The following DGKH variants were observed in gnomAD, a reference collection of about 807,000 sequenced individuals.
The protein encoded by DGKH is diacylglycerol kinase eta, also known as DAG kinase eta.
DGKH carries 90 observed loss-of-function variants against 159.3 expected under a neutral mutation model. The observed-to-expected ratio is 0.57, with a 90% CI of 0.48 to 0.67. DGKH has a LOEUF of 0.67. Ranked by LOEUF, DGKH falls within the 30% of genes least tolerant of loss-of-function variation. The pLI, the probability that DGKH is intolerant of heterozygous loss-of-function variation, is 0.00. For missense variants in DGKH, 1,181 were observed against 1,506.1 expected (o/e 0.78, Z 3.57); for synonymous variants, 536 against 553.8 (o/e 0.97, Z 0.45).
intron 1 of DGKH, among the ~76,000 whole-genome samples, chr13:42,060,397 A>T (rs184408484): frequency 6.6e-6 from 1 of 152,254 alleles, no homozygotes; most frequent in African/African-American, 2.4e-5. Context: ...TACTTCTGAG[A>T]TCTGGGCCTC....
In DGKH at chr13:42,058,788, C is replaced by T. The variant is rs1179010266; in HGVS notation, c.192+9823C>T. Reference sequence around the variant, plus strand: ...TTGGCCTCTCAAGCTGTGGGACTCTCCATGCCTTATGTTTTCCCTCACCTG... The same window carrying T: ...TTGGCCTCTCAAGCTGTGGGACTCTTCATGCCTTATGTTTTCCCTCACCTG... On this transcript the variant is annotated intron_variant, in intron 1 of 29. Transcript: ENST00000337343. 2.0e-5 allele frequency among the ~76,000 whole-genome samples: 3 copies of T among 152,188 alleles called. 1 individual carries two copies. Among genetic ancestry groups the T allele is most frequent in the Non-Finnish European group, 2.9e-5 (2 of 68,038 alleles).
chr13:42,127,639 T>C, intron 2 of DGKH, 66 bp downstream of exon 2: 1 of 1,337,920 alleles, frequency 7.5e-7, no homozygotes, highest in Non-Finnish European at 1.1e-6. Flanking sequence ...TTTGGTTCTG[T>C]AAGCTGTTTT....
Position 42,237,099 on chromosome 13 carries a change from CTG to C in DGKH, c.*7913_*7914del, listed in dbSNP as rs1181438606. The C allele has an allele frequency of 6.6e-6, 1 of 152,128 alleles. No individual in the cohort carries two copies. Among genetic ancestry groups the C allele is most frequent in the Non-Finnish European group, 1.5e-5 (1 of 68,022 alleles). 9.4% of individuals were successfully genotyped at this position (152,128 alleles called of 1,614,324 possible). ...CTATTTAAAATTACTCTCAATTTAACTGTTTAAAAAACTAAAAATTTAAAACA... is the reference window on the plus strand; with the variant it reads ...CTATTTAAAATTACTCTCAATTTAACTTTAAAAAACTAAAAATTTAAAACA... On this transcript the variant is annotated 3_prime_UTR_variant, in exon 30 of 30. Transcript: ENST00000337343.
chr13:42,143,210 G>C (rs1454917697), intron 3 of DGKH, among the ~76,000 whole-genome samples: 2 of 152,106 alleles, frequency 1.3e-5, no homozygotes, highest in African/African-American at 4.8e-5. Flanking sequence ...TTATTGATTT[G>C]CGTATGTTGA....
intron 6 of DGKH, among the ~76,000 whole-genome samples, chr13:42,159,713 T>C (rs574874027): frequency 1.2e-4 from 18 of 152,242 alleles, no homozygotes; most frequent in African/African-American, 4.3e-4. Context: ...TTTCAAAACC[T>C]CACCTCCACT....
intron 3 of DGKH, among the ~76,000 whole-genome samples, chr13:42,151,503 G>GTATACACA (rs1594101291): frequency 4.8e-5 from 4 of 83,060 alleles, no homozygotes; most frequent in Non-Finnish European, 9.9e-5. Flanking sequence ...GTGTGTGTGT[G>GTATACACA]TGTATACACA....
chr13:42,114,936 T>C (rs1954937086), intron 1 of DGKH, among the ~76,000 whole-genome samples: 1 of 152,262 alleles, frequency 6.6e-6, no homozygotes, highest in Non-Finnish European at 1.5e-5. Flanking sequence ...CTTCTGATAC[T>C]TCATAGCATT....
In DGKH at chr13:42,048,982, G is replaced by A. The variant is rs368665501; in HGVS notation, c.192+17G>A. ...CGGACCAAGGTAGGGCGGAGGAGGC[G>A]GGCCTGAGGGCCGCGTGGAAAGCGG... On this transcript the variant is annotated intron_variant, in intron 1 of 29. Transcript: ENST00000337343. The surrounding 1 kb of genome is among the most constrained non-coding windows in gnomAD (Gnocchi z 6.7). 1 of 1,270,624 alleles carries A rather than the reference G, an allele frequency of 7.9e-7. No individual in the cohort carries two copies. The highest frequency in any genetic ancestry group is 1.5e-5 in the African/African-American group (1 of 65,386). 78.7% of individuals were successfully genotyped at this position (1,270,624 alleles called of 1,614,324 possible). A position where few individuals can be genotyped will look rare whatever the true frequency, so the allele number is the denominator to read the frequency against.
intron 1 of DGKH, among the ~76,000 whole-genome samples, chr13:42,058,459 T>C (rs2137659808): frequency 6.6e-6 from 1 of 150,812 alleles, no homozygotes; most frequent in South Asian, 2.1e-4. Context: ...GTCATTTTCA[T>C]TTGGAGAAAT....
At chr13:42,252,121 C>G (rs1014820715) in intron 29 of DGKH, among the ~76,000 whole-genome samples, 2 of 149,504 alleles carry the variant, frequency 1.3e-5, no homozygotes, top group African/African-American at 2.4e-5. Context: ...AATGAAAGAG[C>G]TTTTCCTTTT....
At chr13:42,131,278 T>C (rs1391070643) in intron 3 of DGKH, among the ~76,000 whole-genome samples, 1 of 152,204 alleles carries the variant, frequency 6.6e-6, no homozygotes, top group Non-Finnish European at 1.5e-5. Context: ...TTGTTGTGTT[T>C]TAAAAATGAT....
chr13:42,119,721 C>A (rs979211742), intron 1 of DGKH, among the ~76,000 whole-genome samples: 2 of 152,090 alleles, frequency 1.3e-5, no homozygotes, highest in African/African-American at 4.8e-5. Context: ...CTATCTTAAT[C>A]ATTTCTAAAT....
At chr13:42,090,306 T>C (rs1271787222) in intron 1 of DGKH, among the ~76,000 whole-genome samples, 1 of 152,248 alleles carries the variant, frequency 6.6e-6, no homozygotes, top group East Asian at 1.9e-4. Flanking sequence ...GGAATTAATA[T>C]TGTTAAAATT....
At chr13:42,084,366 C>T (rs962480235) in intron 1 of DGKH, among the ~76,000 whole-genome samples, 1 of 152,052 alleles carries the variant, frequency 6.6e-6, no homozygotes, top group Non-Finnish European at 1.5e-5. Context: ...TTTGATACTA[C>T]ATCTTAGGAA....
chr13:42,179,780 C>A (rs1417774711), intron 13 of DGKH, among the ~76,000 whole-genome samples: 406 of 129,278 alleles, frequency 3.1e-3, no homozygotes, highest in South Asian at 4.6e-3. Context: ...GATCTTGTCT[C>A]AAAAAAAAAA....
chr13:42,173,500 A>G (rs946035875), intron 11 of DGKH, among the ~76,000 whole-genome samples: 1 of 152,138 alleles, frequency 6.6e-6, no homozygotes, highest in Non-Finnish European at 1.5e-5. Context: ...GCTTACATTC[A>G]TTATTTCTTA....
rs1427072427 is a variant in DGKH at position 42,237,433 on chromosome 13, G to A, written c.*8245G>A. The A allele has an allele frequency of 6.6e-6, 1 of 152,182 alleles. No individual in the cohort carries two copies. The highest frequency in any genetic ancestry group is 1.5e-5 in the Non-Finnish European group (1 of 68,026). The allele number at this position is 152,182 out of a possible 1,614,324, so 9.4% of individuals were successfully genotyped here. A position where few individuals can be genotyped will look rare whatever the true frequency, so the allele number is the denominator to read the frequency against. ...GAAAACTGGTGAGAGAAATTACATG[G>A]AAATTATAGGAAAAAGGAACTTGAA... On this transcript the variant is annotated 3_prime_UTR_variant, in exon 30 of 30. Coordinates refer to ENST00000337343, the MANE Select transcript of DGKH (RefSeq NM_178009.5).
chr13:42,185,242 C>A (rs141662959), intron 13 of DGKH, among the ~76,000 whole-genome samples: 6 of 152,298 alleles, frequency 3.9e-5, no homozygotes, highest in Middle Eastern at 3.4e-3. Context: ...ATCCTATATT[C>A]CTTTTAGCAT....
At chr13:42,089,111 A>G (rs1036692702) in intron 1 of DGKH, among the ~76,000 whole-genome samples, 1 of 152,226 alleles carries the variant, frequency 6.6e-6, no homozygotes, top group Non-Finnish European at 1.5e-5. Context: ...TTTGAAATGC[A>G]TGAAGCAAAG....
Sources: gnomAD v4.1 joint callset for allele counts (sites outside exome capture counted in the v4.1 genomes callset) on GRCh38, gnomAD v4.1.1 for gene constraint, Gnocchi (gnomAD v3.1) non-coding constraint, MANE v1.5 for transcripts, NCBI Gene and HGNC (gene_info 2026-07-23, HGNC 2026-07-21) for gene names.